Variants in CNTN5 observed in about 807,000 individuals in gnomAD.
CNTN5 encodes contactin 5.
CNTN5 carries 77 observed loss-of-function variants against 129.1 expected under a neutral mutation model. The observed-to-expected ratio is 0.60, with a 90% confidence interval of 0.50 to 0.72. The LOEUF (loss-of-function observed/expected upper bound fraction) is 0.72, where lower values mean the gene tolerates loss of function less well. Ranked by LOEUF, CNTN5 falls within the 30% of genes least tolerant of loss-of-function variation. The probability of loss-of-function intolerance (pLI) is 0.00; values close to 1 mark genes in which losing one functional copy is unlikely to be tolerated. For synonymous variants in CNTN5, 509 were observed against 465.6 expected (o/e 1.09, Z -1.20); for missense variants, 1,478 against 1,328.8 (o/e 1.11, Z -1.75).
intron 6 of CNTN5, among the ~76,000 whole-genome samples, chr11:99,914,903 G>A (rs1025881072): frequency 1.3e-5 from 2 of 151,974 alleles, no homozygotes; most frequent in African/African-American, 4.8e-5. Context: ...TTATAGACTA[G>A]TAATTTATCT....
intron 3 of CNTN5, among the ~76,000 whole-genome samples, chr11:99,753,416 C>G (rs1944302899): frequency 6.6e-6 from 1 of 151,626 alleles, no homozygotes; most frequent in African/African-American, 2.4e-5. Flanking sequence ...GCCACCGCGC[C>G]CGGCCTGCTT....
intron 1 of CNTN5, among the ~76,000 whole-genome samples, chr11:99,162,115 T>G (rs12793470): frequency 0.26 from 39,346 of 151,780 alleles, 5,528 homozygotes; most frequent in Middle Eastern, 0.32. Context: ...AGAAAGAAAA[T>G]GTATGTCTGC....
At chr11:100,229,256 G>A (rs185615863) in intron 16 of CNTN5, among the ~76,000 whole-genome samples, 10 of 152,158 alleles carry the variant, frequency 6.6e-5, no homozygotes, top group South Asian at 2.1e-4. Flanking sequence ...GATTTTGTTC[G>A]TTGTGTTGAT....
intron 3 of CNTN5, among the ~76,000 whole-genome samples, chr11:99,784,250 C>T (rs1240748056): frequency 6.6e-6 from 1 of 151,984 alleles, no homozygotes; most frequent in Admixed American, 6.6e-5. Context: ...ACCCATCAAC[C>T]CGTCATCTAC....
intron 3 of CNTN5, among the ~76,000 whole-genome samples, chr11:99,737,317 C>G (rs1943744743): frequency 6.6e-6 from 1 of 152,162 alleles, no homozygotes; most frequent in Admixed American, 6.5e-5. Flanking sequence ...CTGTAATTAT[C>G]TTCCAGTTTA....
intron 9 of CNTN5, among the ~76,000 whole-genome samples, chr11:100,026,733 TC>T (rs1941438266): frequency 6.6e-6 from 1 of 152,230 alleles, no homozygotes. Context: ...CAGATTGTTT[TC>T]TTATTGTTTA....
intron 3 of CNTN5, among the ~76,000 whole-genome samples, chr11:99,608,826 C>T (rs1950511334): frequency 6.6e-6 from 1 of 152,162 alleles, no homozygotes; most frequent in Admixed American, 6.6e-5. Flanking sequence ...ATGACAAGAA[C>T]AATGTGTGTC....
At chr11:99,743,905 A>G (rs1262301154) in intron 3 of CNTN5, among the ~76,000 whole-genome samples, 1 of 152,196 alleles carries the variant, frequency 6.6e-6, no homozygotes, top group Non-Finnish European at 1.5e-5. Context: ...TTAAACCCAT[A>G]TAACATAGTT....
At chr11:100,182,855 G>C (rs1226704595) in intron 13 of CNTN5, among the ~76,000 whole-genome samples, 1 of 151,730 alleles carries the variant, frequency 6.6e-6, no homozygotes, top group East Asian at 1.9e-4. Context: ...CAGACTGGTA[G>C]AAAATAGTTG....
At chr11:99,131,249 G>GAAAAAAAAA (rs71046664) in intron 1 of CNTN5, among the ~76,000 whole-genome samples, 1,672 of 67,042 alleles carry the variant, frequency 0.025, 170 homozygotes, top group African/African-American at 0.073. Context: ...CTCCATCTCA[G>GAAAAAAAAA]AAAAAAAAAA....
At chr11:99,988,956 TTTTG>T (rs956459390) in intron 8 of CNTN5, among the ~76,000 whole-genome samples, 21 of 152,230 alleles carry the variant, frequency 1.4e-4, no homozygotes, top group South Asian at 1.0e-3. Context: ...CCTTTCAGTT[TTTTG>T]TTTGTTTGTT....
intron 2 of CNTN5, among the ~76,000 whole-genome samples, chr11:99,487,863 A>G (rs1186910402): frequency 6.6e-6 from 1 of 152,202 alleles, no homozygotes; most frequent in African/African-American, 2.4e-5. Context: ...CACCTAAATG[A>G]GTTTGTACGT....
intron 3 of CNTN5, among the ~76,000 whole-genome samples, chr11:99,682,203 C>A (rs1169686836): frequency 6.6e-6 from 1 of 151,920 alleles, no homozygotes; most frequent in African/African-American, 2.4e-5. Flanking sequence ...ATATTTATTT[C>A]TTGAAATATG....
chr11:100,245,503 G>A (rs570432460), intron 16 of CNTN5, among the ~76,000 whole-genome samples: 3 of 152,184 alleles, frequency 2.0e-5, no homozygotes, highest in South Asian at 4.1e-4. Context: ...TTCATATAAT[G>A]AGGAGGAGGC....
intron 2 of CNTN5, among the ~76,000 whole-genome samples, chr11:99,387,616 A>C (rs1221018259): frequency 6.6e-6 from 1 of 152,040 alleles, no homozygotes; most frequent in Non-Finnish European, 1.5e-5. Context: ...ACTCAGTAGA[A>C]ATACCCTTTC....
At chr11:100,181,192 T>C (rs1948129379) in intron 13 of CNTN5, among the ~76,000 whole-genome samples, 1 of 152,006 alleles carries the variant, frequency 6.6e-6, no homozygotes, top group South Asian at 2.1e-4. Flanking sequence ...CAAACTATGG[T>C]ACATCCATAG....
At chr11:99,207,285 CAGCTCTCTAAGGACTAG>C (rs1859533552) in intron 1 of CNTN5, among the ~76,000 whole-genome samples, 1 of 152,116 alleles carries the variant, frequency 6.6e-6, no homozygotes, top group African/African-American at 2.4e-5. Flanking sequence ...ATTATAGTAG[CAGCTCTCTAAGGACTAG>C]AGCACTAGAA....
intron 2 of CNTN5, among the ~76,000 whole-genome samples, chr11:99,407,445 T>TG (rs1555137285): frequency 6.6e-6 from 1 of 151,910 alleles, no homozygotes; most frequent in Non-Finnish European, 1.5e-5. Context: ...GCAAAGTCCT[T>TG]CCACTCTTCT....
At chr11:99,103,139 C>G (rs1866821308) in intron 1 of CNTN5, among the ~76,000 whole-genome samples, 1 of 152,072 alleles carries the variant, frequency 6.6e-6, no homozygotes, top group African/African-American at 2.4e-5. Context: ...GAAAACCACC[C>G]CAGTGGTTTA....
Sources: gnomAD v4.1 joint callset for allele counts (sites outside exome capture counted in the v4.1 genomes callset) on GRCh38, gnomAD v4.1.1 for gene constraint, MANE v1.5 for transcripts, NCBI Gene and HGNC (gene_info 2026-07-23, HGNC 2026-07-21) for gene names.